STAT1: variants seen among roughly 807,000 people sequenced by gnomAD.
STAT1 encodes the protein signal transducer and activator of transcription 1.
Under a neutral mutation model 111.7 loss-of-function variants are expected in STAT1, and 24 were observed. The observed-to-expected ratio is 0.21, with a 90% CI of 0.16 to 0.30. The LOEUF is 0.30. Ranked by LOEUF, STAT1 falls within the 10% of genes least tolerant of loss-of-function variation. STAT1 has a pLI of 1.00. For synonymous variants in STAT1, 332 were observed against 326.5 expected, an observed-to-expected ratio of 1.02 and a Z score of -0.18; for missense variants, 351 against 911.9, an observed-to-expected ratio of 0.38 and a Z score of 7.92.
Position 190,977,491 on chromosome 2 carries a change from T to A in STAT1, c.1874-466A>T, listed in dbSNP as rs573962425. On this transcript the variant is annotated intron_variant, in intron 21 of 24. Coordinates refer to ENST00000361099, the MANE Select transcript of STAT1 (RefSeq NM_007315.4). The surrounding 1 kb of genome is among the most constrained non-coding windows in gnomAD (Gnocchi z 4.7). ...GATATATAGAAAACAACATTTCAAA[T>A]TAAAAATGATCCTATTTGCTACATT... Among the ~76,000 whole-genome samples, 13 of 152,348 alleles carry A rather than the reference T, an allele frequency of 8.5e-5. No homozygotes were observed. The highest frequency in any genetic ancestry group is 3.1e-4 in the African/African-American group (13 of 41,572).
chr2:190,976,797 G>T lies in STAT1; in HGVS notation c.2059+43C>A. ...TTCAGAATAATCACCCCCTCATCAG[G>T]AAAGACTGTGCCACGCTGTTACCAC... On this transcript the variant is annotated intron_variant, in intron 22 of 24. Coordinates refer to ENST00000361099, the MANE Select transcript of STAT1 (RefSeq NM_007315.4). The surrounding 1 kb of genome is among the most constrained non-coding windows in gnomAD (Gnocchi z 6.0). The T allele has an allele frequency of 6.4e-7, 1 of 1,554,316 alleles. No homozygotes were observed. The highest frequency in any genetic ancestry group is 8.9e-7 in the Non-Finnish European group (1 of 1,125,824).
rs537517686 is a variant in STAT1, at chr2:191,006,727, A to C, written c.372+836T>G. On this transcript the variant is annotated intron_variant, in intron 5 of 24. Transcript: ENST00000361099. This position sits in a 1 kb window ranked among gnomAD's most constrained non-coding sequence, Gnocchi z 4.6. ...GCTCAAGAAAGGAATACTAAATGCCATAGCAAATTCAAAACTCTGCTGAAC... is the reference window on the plus strand; with the variant it reads ...GCTCAAGAAAGGAATACTAAATGCCCTAGCAAATTCAAAACTCTGCTGAAC... Among the ~76,000 whole-genome samples, 66 of 152,352 alleles carry C rather than the reference A, an allele frequency of 4.3e-4. 1 individual carries two copies. Among genetic ancestry groups the C allele is most frequent in the African/African-American group, 1.6e-3 (65 of 41,578 alleles).
intron 12 of STAT1, among the ~76,000 whole-genome samples, chr2:190,988,573 T>C (rs1477257304): frequency 1.3e-5 from 2 of 152,002 alleles, no homozygotes; most frequent in African/African-American, 4.8e-5. Context: ...AGAGACGGGG[T>C]TTCGCCATGT....
rs2124977500 is a variant in STAT1, at chr2:190,970,877, T to G, written c.2239-160A>C. On this transcript the variant is annotated intron_variant, in intron 24 of 24. Transcript: ENST00000361099. The surrounding 1 kb of genome is among the most constrained non-coding windows in gnomAD (Gnocchi z 5.4). ...ATAAGAGGGCCTTCAGCATGTACTATGTATTATCCTGGGCTAATCAAGACC... is the reference window on the plus strand; with the variant it reads ...ATAAGAGGGCCTTCAGCATGTACTAGGTATTATCCTGGGCTAATCAAGACC... 6.6e-6 allele frequency among the ~76,000 whole-genome samples: 1 copy of G among 152,372 alleles called. No homozygotes were observed. The highest frequency in any genetic ancestry group is 3.4e-3 in the Middle Eastern group (1 of 294).
rs1694824030 is a variant in STAT1, at chr2:191,007,856, T to C, written c.274-195A>G. On this transcript the variant is annotated intron_variant, in intron 4 of 24. Transcript: ENST00000361099. This position sits in a 1 kb window ranked among gnomAD's most constrained non-coding sequence, Gnocchi z 4.2. ...TATGACAAAAATTGCTTTAACTTTC[T>C]AAGTGCAGGTACCTAACGTACTTTT... 6.6e-6 allele frequency among the ~76,000 whole-genome samples: 1 copy of C among 152,256 alleles called. No individual in the cohort carries two copies. The highest frequency in any genetic ancestry group is 2.1e-4 in the South Asian group (1 of 4,838).
rs955728079 is a variant in STAT1 at position 191,003,365 on chromosome 2, T to C, written c.373-2202A>G. On this transcript the variant is annotated intron_variant, in intron 5 of 24. Transcript: ENST00000361099. The surrounding 1 kb of genome is among the most constrained non-coding windows in gnomAD (Gnocchi z 4.0). ...ACAGCTTTCTGCCTGTGCAGGGAAA[T>C]CTTTGCTGTTGTCTAATTCTGACAT... 6.6e-6 allele frequency among the ~76,000 whole-genome samples: 1 copy of C among 152,182 alleles called. No homozygotes were observed. The highest frequency in any genetic ancestry group is 2.4e-5 in the African/African-American group (1 of 41,452).
rs1362458879 is a variant in STAT1, at chr2:191,004,642, C to CTAAACCTTAGTTTTCTCA, written c.372+2903_372+2920dup. Among the ~76,000 whole-genome samples the CTAAACCTTAGTTTTCTCA allele has an allele frequency of 1.3e-5, 2 of 152,354 alleles. No individual in the cohort carries two copies. Among genetic ancestry groups the CTAAACCTTAGTTTTCTCA allele is most frequent in the African/African-American group, 4.8e-5 (2 of 41,576 alleles). On this transcript the variant is annotated intron_variant, in intron 5 of 24. Transcript: ENST00000361099. The surrounding 1 kb of genome is among the most constrained non-coding windows in gnomAD (Gnocchi z 5.0). ...TGGCTCTGAGTGAAGTACCTGACCT[C>CTAAACCTTAGTTTTCTCA]TAAACCTTAGTTTTCTCATCTTTAA...
At chr2:190,985,721 T>A in intron 14 of STAT1, 61 bp from the exon 15 acceptor site, 1 of 1,543,686 alleles carries the variant, frequency 6.5e-7, no homozygotes, top group Non-Finnish European at 9.0e-7. Flanking sequence ...GCTATCTTCA[T>A]TTACAAATGA....
chr2:190,997,728 C>A lies in STAT1; in HGVS notation c.785+128G>T. ...GGAGTGTTTCCAGGGTAAGCAGAAG[C>A]TGGACTATGTCAAACTCTATACTAA... On this transcript the variant is annotated intron_variant, in intron 9 of 24. Transcript: ENST00000361099. This position sits in a 1 kb window ranked among gnomAD's most constrained non-coding sequence, Gnocchi z 7.3. 7.1e-7 allele frequency: 1 copy of A among 1,405,998 alleles called. No homozygotes were observed. The highest frequency in any genetic ancestry group is 1.2e-5 in the South Asian group (1 of 83,980). The allele number at this position is 1,405,998 out of a possible 1,614,324, so 87.1% of individuals were successfully genotyped here.
In STAT1 at chr2:191,004,527, A is replaced by G. The variant is rs148917747; in HGVS notation, c.372+3036T>C. On this transcript the variant is annotated intron_variant, in intron 5 of 24. Coordinates refer to ENST00000361099, the MANE Select transcript of STAT1 (RefSeq NM_007315.4). This position sits in a 1 kb window ranked among gnomAD's most constrained non-coding sequence, Gnocchi z 5.0. ...GCCCTCATATCCCATCCCACAGATT[A>G]GAAAACTGAAAAGTGACTTCTCCAG... Among the ~76,000 whole-genome samples the G allele has an allele frequency of 6.6e-6, 1 of 152,342 alleles. No homozygotes were observed. Among genetic ancestry groups the G allele is most frequent in the East Asian group, 1.9e-4 (1 of 5,184 alleles).
At position 190,983,964 on chromosome 2, in the gene STAT1, T is replaced by C. The variant is rs1692586009; in HGVS notation, c.1348-224A>G. ...CTAAAAATAATAATAGCTACAATAA[T>C]TAATTAAGGGATATGCAATATGAGA... On this transcript the variant is annotated intron_variant, in intron 16 of 24. Coordinates refer to ENST00000361099, the MANE Select transcript of STAT1 (RefSeq NM_007315.4). The surrounding 1 kb of genome is among the most constrained non-coding windows in gnomAD (Gnocchi z 5.7). Among the ~76,000 whole-genome samples, 1 of 151,886 alleles carries C rather than the reference T, an allele frequency of 6.6e-6. No homozygotes were observed. Among genetic ancestry groups the C allele is most frequent in the African/African-American group, 2.4e-5 (1 of 41,310 alleles).
chr2:190,970,825 C>A lies in STAT1; in HGVS notation c.2239-108G>T, dbSNP rs903411579. The A allele has an allele frequency of 9.5e-6, 10 of 1,053,756 alleles. No homozygotes were observed. The East Asian group carries it at 2.4e-4, about 26-fold the overall frequency. 65.3% of individuals were successfully genotyped at this position (1,053,756 alleles called of 1,614,324 possible). On this transcript the variant is annotated intron_variant, in intron 24 of 24. Transcript: ENST00000361099. This position sits in a 1 kb window ranked among gnomAD's most constrained non-coding sequence, Gnocchi z 5.4. The stretch of plus-strand genomic sequence containing the variant: ...TCTAGAATGAAGTAGTAGGAAGATA[C>A]TTGCAATGGCAAATAAATACCGTGG...
rs1274261305 is a variant in STAT1 at position 190,986,533 on chromosome 2, A to G, written c.1221+321T>C. On this transcript the variant is annotated intron_variant, in intron 14 of 24. Transcript: ENST00000361099. The surrounding 1 kb of genome is among the most constrained non-coding windows in gnomAD (Gnocchi z 5.0). ...ATCACAGTCAGGACACGGGAGCCAT[A>G]ACCTTTGAGAAAACTGCAAGCGTAG... Among the ~76,000 whole-genome samples, 1 of 152,210 alleles carries G rather than the reference A, an allele frequency of 6.6e-6. No individual in the cohort carries two copies. Among genetic ancestry groups the G allele is most frequent in the Non-Finnish European group, 1.5e-5 (1 of 68,030 alleles).
chr2:190,992,671 G>C, intron 10 of STAT1: 1 of 1,263,132 alleles, frequency 7.9e-7, no homozygotes, highest in Non-Finnish European at 1.0e-6. Context: ...TGCTTGACCA[G>C]AGTGCTCTGA....
Position 190,975,033 on chromosome 2 carries a change from C to T in STAT1, c.2136-101G>A, listed in dbSNP as rs769157714. ...TCTTTTGTCTGTAATTGAATTATCA[C>T]GTTATATTTTTATTTTGGGTAAGTG... On this transcript the variant is annotated intron_variant, in intron 23 of 24. Coordinates refer to ENST00000361099, the MANE Select transcript of STAT1 (RefSeq NM_007315.4). This position sits in a 1 kb window ranked among gnomAD's most constrained non-coding sequence, Gnocchi z 5.9. 1.8e-5 allele frequency: 17 copies of T among 959,210 alleles called. No individual in the cohort carries two copies. Among genetic ancestry groups the T allele is most frequent in the Admixed American group, 4.0e-5 (2 of 50,352 alleles). 59.4% of individuals were successfully genotyped at this position (959,210 alleles called of 1,614,324 possible).
Position 190,997,750 on chromosome 2 carries a change from C to T in STAT1, c.785+106G>A. The T allele has an allele frequency of 6.6e-7, 1 of 1,517,330 alleles. No homozygotes were observed. The highest frequency in any genetic ancestry group is 9.1e-7 in the Non-Finnish European group (1 of 1,103,690). 94.0% of individuals were successfully genotyped at this position (1,517,330 alleles called of 1,614,324 possible). A position where few individuals can be genotyped will look rare whatever the true frequency, so the allele number is the denominator to read the frequency against. ...AAGCTGGACTATGTCAAACTCTATA[C>T]TAATGTTTTGACAGGGTCCATTCAA... is the stretch of plus-strand genomic sequence containing the variant. On this transcript the variant is annotated intron_variant, in intron 9 of 24. Coordinates refer to ENST00000361099, the MANE Select transcript of STAT1 (RefSeq NM_007315.4). This position sits in a 1 kb window ranked among gnomAD's most constrained non-coding sequence, Gnocchi z 7.3.
In STAT1 at chr2:190,982,799, A is replaced by C. The variant is rs1417787494; in HGVS notation, c.1447-281T>G. On this transcript the variant is annotated intron_variant, in intron 17 of 24. Coordinates refer to ENST00000361099, the MANE Select transcript of STAT1 (RefSeq NM_007315.4). This position sits in a 1 kb window ranked among gnomAD's most constrained non-coding sequence, Gnocchi z 7.3. ...CCGTGCACACACAGCAGCACACAGC[A>C]GCAAAGAATTCGAGTCTCTTAACAC... Among the ~76,000 whole-genome samples, 1 of 152,226 alleles carries C rather than the reference A, an allele frequency of 6.6e-6. No individual in the cohort carries two copies. The highest frequency in any genetic ancestry group is 1.5e-5 in the Non-Finnish European group (1 of 68,040).
chr2:190,985,572 C>G, intron 15 of STAT1, 47 bp downstream of exon 15: 1 of 1,610,598 alleles, frequency 6.2e-7, no homozygotes, highest in Non-Finnish European at 8.5e-7. Context: ...CCTTGCTAGA[C>G]AGACCTGCCT....
rs1211154625 is a variant in STAT1 at position 190,997,253 on chromosome 2, T to A, written c.785+603A>T. 6.6e-6 allele frequency among the ~76,000 whole-genome samples: 1 copy of A among 152,260 alleles called. No homozygotes were observed. The highest frequency in any genetic ancestry group is 1.5e-5 in the Non-Finnish European group (1 of 68,038). On this transcript the variant is annotated intron_variant, in intron 9 of 24. Transcript: ENST00000361099. The surrounding 1 kb of genome is among the most constrained non-coding windows in gnomAD (Gnocchi z 7.3). ...AGTCAGCACAAGGCCACTTCCTCTA[T>A]GAAACCTTCCCTGGAGATGCTTTCC...
Sources: gnomAD v4.1 joint callset for allele counts (sites outside exome capture counted in the v4.1 genomes callset) on GRCh38, gnomAD v4.1.1 for gene constraint, Gnocchi (gnomAD v3.1) non-coding constraint, MANE v1.5 for transcripts, NCBI Gene and HGNC (gene_info 2026-07-23, HGNC 2026-07-21) for gene names.